The following FSTL5 variants were observed in gnomAD, a reference collection of about 807,000 sequenced individuals.
FSTL5 encodes follistatin like 5.
A neutral mutation model predicts 89.1 loss-of-function variants in FSTL5; 62 were observed. The ratio of observed to expected loss-of-function variants is 0.70; its 90% CI spans 0.57 to 0.86. The LOEUF is 0.86. Among genes scored for constraint, FSTL5 ranks in the 40% least tolerant of loss-of-function variants. The pLI is 0.00. For missense variants in FSTL5, 1,057 were observed against 1,001.6 expected (o/e 1.06, Z -0.75); for synonymous variants, 383 against 346.2 (o/e 1.11, Z -1.18).
At chr4:161,490,029 A>T (rs1729808954) in intron 12 of FSTL5, among the ~76,000 whole-genome samples, 1 of 152,090 alleles carries the variant, frequency 6.6e-6, no homozygotes, top group Non-Finnish European at 1.5e-5. Context: ...TATTCATATA[A>T]GTGGAAAACA....
chr4:161,779,449 C>T (rs1333881347), intron 4 of FSTL5, among the ~76,000 whole-genome samples: 2 of 151,848 alleles, frequency 1.3e-5, no homozygotes, highest in South Asian at 2.1e-4. Context: ...TCCCATGTGT[C>T]AGAAACTTTA....
intron 13 of FSTL5, among the ~76,000 whole-genome samples, chr4:161,460,188 C>T (rs1733508456): frequency 6.6e-6 from 1 of 151,860 alleles, no homozygotes; most frequent in Admixed American, 6.6e-5. Context: ...CTTCCCAAAG[C>T]TCTATTAAAT....
intron 6 of FSTL5, among the ~76,000 whole-genome samples, chr4:161,684,230 A>G (rs1012653767): frequency 6.6e-6 from 1 of 152,184 alleles, no homozygotes; most frequent in East Asian, 1.9e-4. Context: ...TTGTTATGCT[A>G]TAAACACGTG....
chr4:161,470,377 C>A (rs1733894688), intron 13 of FSTL5, among the ~76,000 whole-genome samples: 1 of 145,496 alleles, frequency 6.9e-6, no homozygotes, highest in Admixed American at 6.8e-5. Flanking sequence ...ATGGTCTTGG[C>A]ACCCTTATAA....
At chr4:162,032,895 G>T (rs1737593546) in intron 3 of FSTL5, 2 of 152,142 alleles carry the variant, frequency 1.3e-5, no homozygotes, top group Non-Finnish European at 2.9e-5. Flanking sequence ...CAGGCTTGGG[G>T]CCGGGATGCC....
At chr4:161,449,250 A>C (rs1266984457) in intron 15 of FSTL5, among the ~76,000 whole-genome samples, 1 of 152,166 alleles carries the variant, frequency 6.6e-6, no homozygotes, top group Admixed American at 6.5e-5. Flanking sequence ...CATTCATTTT[A>C]AGACACTACA....
chr4:161,455,391 G>C (rs961815593), intron 14 of FSTL5, among the ~76,000 whole-genome samples: 7 of 151,834 alleles, frequency 4.6e-5, no homozygotes, highest in African/African-American at 1.7e-4. Context: ...AAATAAATAG[G>C]CATGTAAGCA....
chr4:161,459,167 GC>G (rs1470868085), intron 14 of FSTL5, 44 bp downstream of exon 14: 4 of 1,124,384 alleles, frequency 3.6e-6, no homozygotes, highest in Non-Finnish European at 5.4e-6. Context: ...AATGTTGAAA[GC>G]TTTAAAGATT....
intron 15 of FSTL5, among the ~76,000 whole-genome samples, chr4:161,433,015 C>T (rs1219977360): frequency 2.6e-5 from 4 of 151,648 alleles, no homozygotes; most frequent in Non-Finnish European, 5.9e-5. Context: ...AGAACTAATA[C>T]CAACCATACT....
chr4:162,029,137 G>A (rs900283664), intron 3 of FSTL5, among the ~76,000 whole-genome samples: 6 of 139,610 alleles, frequency 4.3e-5, no homozygotes, highest in Non-Finnish European at 7.6e-5. Flanking sequence ...CAGTGTATAT[G>A]TACATGAGGG....
rs60978465 is a variant in FSTL5, at chr4:161,997,601, C to CTTTTTTTTTTTTTTTTTTTTTTTTTTTT, written c.160+36023_160+36024insAAAAAAAAAAAAAAAAAAAAAAAAAAAA. ...ATGTGCATAAGTGTATACATGTTAT[C>CTTTTTTTTTTTTTTTTTTTTTTTTTTTT]TTTTTTTTTTTTTTTTTTTTTGAGA... On this transcript the variant is annotated intron_variant, in intron 3 of 15. Transcript: ENST00000306100. 2.3e-5 allele frequency among the ~76,000 whole-genome samples: 3 copies of CTTTTTTTTTTTTTTTTTTTTTTTTTTTT among 129,320 alleles called. 1 individual carries two copies. Among genetic ancestry groups the CTTTTTTTTTTTTTTTTTTTTTTTTTTTT allele is most frequent in the Non-Finnish European group, 4.8e-5 (3 of 62,758 alleles). The allele number at this position is 129,320 out of a possible 152,430, so 84.8% of individuals were successfully genotyped here. A position where few individuals can be genotyped will look rare whatever the true frequency, so the allele number is the denominator to read the frequency against.
intron 4 of FSTL5, among the ~76,000 whole-genome samples, chr4:161,903,771 G>A (rs958032993): frequency 1.0e-5 from 1 of 97,390 alleles, no homozygotes; most frequent in Non-Finnish European, 2.5e-5. Context: ...AGTACATTTA[G>A]TGTTTTTTTT....
chr4:161,552,698 T>C (rs182727215), intron 8 of FSTL5: 2 of 151,850 alleles, frequency 1.3e-5, no homozygotes, highest in East Asian at 3.9e-4. Context: ...TGTGTCTCAC[T>C]TAGTTTATTG....
chr4:161,658,077 T>A (rs1439920162), intron 6 of FSTL5, among the ~76,000 whole-genome samples: 1 of 152,178 alleles, frequency 6.6e-6, no homozygotes, highest in East Asian at 1.9e-4. Flanking sequence ...TAGAAATGGA[T>A]AACAAACATC....
intron 6 of FSTL5, among the ~76,000 whole-genome samples, chr4:161,684,529 G>C (rs754610629): frequency 8.5e-5 from 13 of 152,134 alleles, no homozygotes; most frequent in Non-Finnish European, 1.9e-4. Context: ...GTGATGTTGA[G>C]CATTTTTTCA....
intron 10 of FSTL5, among the ~76,000 whole-genome samples, chr4:161,532,768 C>T (rs889219607): frequency 3.9e-5 from 6 of 152,064 alleles, no homozygotes; most frequent in Non-Finnish European, 7.3e-5. Flanking sequence ...AATACTCCAC[C>T]GAATCACCAC....
At chr4:161,964,404 T>C (rs1455713025) in intron 3 of FSTL5, among the ~76,000 whole-genome samples, 2 of 152,074 alleles carry the variant, frequency 1.3e-5, no homozygotes, top group Non-Finnish European at 2.9e-5. Flanking sequence ...CAAATTACCA[T>C]GTAGAATCTT....
intron 6 of FSTL5, among the ~76,000 whole-genome samples, chr4:161,677,462 A>C (rs1400002390): frequency 6.6e-6 from 1 of 152,056 alleles, no homozygotes; most frequent in African/African-American, 2.4e-5. Context: ...GCCATAATTT[A>C]ATTAACAAGT....
intron 3 of FSTL5, among the ~76,000 whole-genome samples, chr4:161,999,920 A>ATT (rs1736411967): frequency 1.3e-5 from 2 of 152,208 alleles, no homozygotes; most frequent in Non-Finnish European, 2.9e-5. Flanking sequence ...CCCAAGTAAA[A>ATT]CACAAGCAGA....
Sources: allele counts gnomAD v4.1 joint callset (sites outside exome capture counted in the v4.1 genomes callset), GRCh38; gene constraint gnomAD v4.1.1; transcripts MANE v1.5; gene names NCBI Gene and HGNC (gene_info 2026-07-23, HGNC 2026-07-21).